Variants in ROBO2 observed in about 807,000 individuals in gnomAD.
ROBO2 encodes roundabout guidance receptor 2.
ROBO2 carries 53 observed loss-of-function variants against 160.8 expected under a neutral mutation model. The ratio of observed to expected loss-of-function variants is 0.33; its 90% confidence interval spans 0.26 to 0.41. The LOEUF (loss-of-function observed/expected upper bound fraction) is 0.41. ROBO2 is among the 10% of genes least tolerant of loss of function. ROBO2 has a pLI of 1.00. For synonymous variants in ROBO2, 664 were observed against 611.7 expected (o/e 1.09, Z -1.26); for missense variants, 1,577 against 1,722.4 (o/e 0.92, Z 1.49).
intron 2 of ROBO2, among the ~76,000 whole-genome samples, chr3:77,411,373 G>C (rs1461616887): frequency 6.6e-6 from 1 of 152,174 alleles, no homozygotes; most frequent in Non-Finnish European, 1.5e-5. Context: ...TTCCACTGCT[G>C]TAAATCTATA....
chr3:76,947,668 T>C (rs1048047347), intron 2 of ROBO2, among the ~76,000 whole-genome samples: 3 of 151,630 alleles, frequency 2.0e-5, no homozygotes. Context: ...TGGTTTTTTC[T>C]TAGTTAACAA....
At chr3:76,829,110 C>T (rs563686090) in intron 2 of ROBO2, among the ~76,000 whole-genome samples, 133 of 152,238 alleles carry the variant, frequency 8.7e-4, no homozygotes, top group African/African-American at 3.0e-3. Context: ...ATTACAGACA[C>T]ACCTTGAACT....
chr3:76,135,464 G>C (rs1190154161), intron 2 of ROBO2, among the ~76,000 whole-genome samples: 1 of 151,938 alleles, frequency 6.6e-6, no homozygotes, highest in Non-Finnish European at 1.5e-5. Context: ...TGTATAATTT[G>C]TTATAATTTC....
intron 2 of ROBO2, among the ~76,000 whole-genome samples, chr3:75,972,231 A>G (rs1451439320): frequency 6.6e-6 from 1 of 151,726 alleles, no homozygotes; most frequent in Non-Finnish European, 1.5e-5. Flanking sequence ...TGAAATATGC[A>G]TAGAAATGAT....
At chr3:77,623,856 C>T (rs774318840) in intron 23 of ROBO2, among the ~76,000 whole-genome samples, 1 of 152,170 alleles carries the variant, frequency 6.6e-6, no homozygotes, top group Non-Finnish European at 1.5e-5. Flanking sequence ...GAAAAACAGT[C>T]AGCTATAGTC....
intron 2 of ROBO2, among the ~76,000 whole-genome samples, chr3:76,542,154 T>A (rs1217717038): frequency 6.6e-6 from 1 of 152,178 alleles, no homozygotes; most frequent in Non-Finnish European, 1.5e-5. Context: ...TGATCTACAA[T>A]CACATCAAGT....
intron 2 of ROBO2, among the ~76,000 whole-genome samples, chr3:76,700,011 A>C (rs2107431683): frequency 6.6e-6 from 1 of 152,170 alleles, no homozygotes; most frequent in South Asian, 2.1e-4. Context: ...GAGAAAGAAA[A>C]ATAGCAAAAA....
intron 2 of ROBO2, among the ~76,000 whole-genome samples, chr3:77,204,807 T>C (rs1264654276): frequency 6.6e-6 from 1 of 152,236 alleles, no homozygotes; most frequent in Non-Finnish European, 1.5e-5. Flanking sequence ...GGTGTAATAC[T>C]GCCCAATTAA....
intron 2 of ROBO2, among the ~76,000 whole-genome samples, chr3:76,011,110 C>T (rs141801088): frequency 1.3e-5 from 2 of 152,216 alleles, no homozygotes; most frequent in Non-Finnish European, 2.9e-5. Flanking sequence ...AAATAGACTC[C>T]ATATCCCTCC....
intron 6 of ROBO2, among the ~76,000 whole-genome samples, chr3:77,532,824 G>A (rs1163414304): frequency 6.6e-6 from 1 of 151,704 alleles, no homozygotes; most frequent in Admixed American, 6.6e-5. Flanking sequence ...TTAAAAGAGA[G>A]ATTTCATTGT....
intron 2 of ROBO2, among the ~76,000 whole-genome samples, chr3:77,319,877 G>A (rs909814515): frequency 1.3e-5 from 2 of 152,066 alleles, no homozygotes; most frequent in African/African-American, 4.8e-5. Context: ...CTTTTCTGTT[G>A]TTGTTCAGTC....
intron 2 of ROBO2, among the ~76,000 whole-genome samples, chr3:76,355,822 A>G (rs1288583717): frequency 6.6e-6 from 1 of 151,776 alleles, no homozygotes; most frequent in African/African-American, 2.4e-5. Flanking sequence ...TGCAGAAAAC[A>G]TTATTCAGAG....
chr3:77,245,720 C>G (rs1336208796), intron 2 of ROBO2, among the ~76,000 whole-genome samples: 1 of 152,144 alleles, frequency 6.6e-6, no homozygotes, highest in African/African-American at 2.4e-5. Context: ...CTTCTTCTTT[C>G]TTTTAAGTTG....
chr3:76,342,331 A>G (rs2074276874), intron 2 of ROBO2, among the ~76,000 whole-genome samples: 1 of 152,106 alleles, frequency 6.6e-6, no homozygotes, highest in Non-Finnish European at 1.5e-5. Context: ...AGAGACATAG[A>G]TCTTTGTTAC....
intron 1 of ROBO2, among the ~76,000 whole-genome samples, chr3:77,041,434 C>A (rs2064083244): frequency 6.6e-6 from 1 of 152,188 alleles, no homozygotes; most frequent in Non-Finnish European, 1.5e-5. Context: ...CAGCTATGGG[C>A]TGGCCACAGG....
At chr3:75,962,329 T>A (rs1948945990) in intron 2 of ROBO2, among the ~76,000 whole-genome samples, 2 of 151,812 alleles carry the variant, frequency 1.3e-5, no homozygotes. Context: ...AAAGTTGTAA[T>A]GTGCATAGGA....
At chr3:77,433,228 A>G (rs2153543620) in intron 2 of ROBO2, among the ~76,000 whole-genome samples, 1 of 151,988 alleles carries the variant, frequency 6.6e-6, no homozygotes, top group African/African-American at 2.4e-5. Context: ...AGCAAGATAA[A>G]CAGAAATAAA....
intron 2 of ROBO2, among the ~76,000 whole-genome samples, chr3:77,153,931 C>T (rs964522696): frequency 8.5e-5 from 13 of 152,054 alleles, no homozygotes; most frequent in Non-Finnish European, 1.6e-4. Context: ...TTAGATAAGT[C>T]TAAAATTTAG....
At chr3:77,409,576 C>T (rs374038296) in intron 2 of ROBO2, among the ~76,000 whole-genome samples, 7 of 152,140 alleles carry the variant, frequency 4.6e-5, no homozygotes, top group Admixed American at 2.0e-4. Context: ...ATACATGCGC[C>T]GGCTTTATGA....
Sources: allele counts gnomAD v4.1 joint callset (sites outside exome capture counted in the v4.1 genomes callset), GRCh38; gene constraint gnomAD v4.1.1; transcripts MANE v1.5; gene names NCBI Gene and HGNC (gene_info 2026-07-23, HGNC 2026-07-21).